GARRE1: variants seen among roughly 807,000 people sequenced by gnomAD.
GARRE1 encodes the protein granule associated Rac and RHOG effector protein 1.
GARRE1 carries 49 observed loss-of-function variants against 103.2 expected under a neutral mutation model. That is an observed-to-expected ratio of 0.47 (90% CI 0.38 to 0.60). GARRE1 has a LOEUF of 0.60. GARRE1 is among the 20% of genes least tolerant of loss of function. The probability of loss-of-function intolerance (pLI) is 0.00; values close to 1 mark genes in which losing one functional copy is unlikely to be tolerated. For missense variants in GARRE1, 1,199 were observed against 1,370.5 expected (o/e 0.87, Z 1.98); for synonymous variants, 505 against 532.8 (o/e 0.95, Z 0.72).
intron 1 of GARRE1, among the ~76,000 whole-genome samples, chr19:34,294,915 G>A (rs2073939228): frequency 6.6e-6 from 1 of 152,262 alleles, no homozygotes; most frequent in Admixed American, 6.5e-5. Context: ...GACCTCAGGT[G>A]ATTTGCCCAC....
intron 1 of GARRE1, among the ~76,000 whole-genome samples, chr19:34,296,989 G>A (rs554868072): frequency 2.0e-5 from 3 of 152,172 alleles, no homozygotes; most frequent in South Asian, 2.1e-4. Context: ...CTGTAGAAAA[G>A]GTAATTGAAA....
chr19:34,341,330 G>T (rs1457454045), intron 9 of GARRE1, 92 bp from the exon 10 acceptor site: 3 of 1,079,948 alleles, frequency 2.8e-6, no homozygotes, highest in East Asian at 2.6e-5. Context: ...GGTTTTTCTT[G>T]CTCTCAACGC....
At chr19:34,293,459 G>C (rs918596043) in intron 1 of GARRE1, among the ~76,000 whole-genome samples, 1 of 150,502 alleles carries the variant, frequency 6.6e-6, no homozygotes, top group African/African-American at 2.5e-5. Flanking sequence ...GCAGTGGTGT[G>C]ATCATGGTTC....
At chr19:34,258,655 C>T (rs1215838019) in intron 1 of GARRE1, among the ~76,000 whole-genome samples, 3 of 151,898 alleles carry the variant, frequency 2.0e-5, no homozygotes, top group South Asian at 2.1e-4. Context: ...CCGGACATGG[C>T]GATGGGCGCC....
intron 1 of GARRE1, among the ~76,000 whole-genome samples, chr19:34,269,211 A>G (rs1341922324): frequency 1.3e-5 from 2 of 152,232 alleles, no homozygotes; most frequent in Non-Finnish European, 2.9e-5. Context: ...AAATTGTTAC[A>G]GAGCAAATGT....
chr19:34,353,624 A>G lies in GARRE1; in HGVS notation c.*669A>G, dbSNP rs1411289125. On this transcript the variant is annotated 3_prime_UTR_variant, in exon 14 of 14. Transcript: ENST00000299505. ...GGTGGACAGTTCCTCGCCACCCAGCAGCACCCTGGGACTGCGGCCTTTCCC... is the reference window on the plus strand; with the variant it reads ...GGTGGACAGTTCCTCGCCACCCAGCGGCACCCTGGGACTGCGGCCTTTCCC... 2.0e-5 allele frequency: 3 copies of G among 152,414 alleles called. No homozygotes were observed. Among genetic ancestry groups the G allele is most frequent in the East Asian group, 3.9e-4 (2 of 5,190 alleles). 9.4% of individuals were successfully genotyped at this position (152,414 alleles called of 1,614,324 possible).
At chr19:34,328,327 T>C (rs1010643657) in intron 6 of GARRE1, among the ~76,000 whole-genome samples, 176 bp downstream of exon 6, 1 of 151,908 alleles carries the variant, frequency 6.6e-6, no homozygotes, top group Non-Finnish European at 1.5e-5. Context: ...GTCAGGAGTT[T>C]GAGACCAGCC....
chr19:34,345,450 T>A (rs1218432177), intron 10 of GARRE1, among the ~76,000 whole-genome samples: 1 of 152,248 alleles, frequency 6.6e-6, no homozygotes, highest in Admixed American at 6.5e-5. Flanking sequence ...TTTTCTCAGT[T>A]GATCATAGAT....
rs542876400 is a variant in GARRE1, at chr19:34,275,234, A to T, written c.-796+20620A>T. ...GATTCATCTTTATATTTTTTGTAAC[A>T]GCTTTATTGAAATATAATTCACATA... On this transcript the variant is annotated intron_variant, in intron 1 of 13. Coordinates refer to ENST00000299505, the MANE Select transcript of GARRE1 (RefSeq NM_014686.5). Among the ~76,000 whole-genome samples the T allele has an allele frequency of 1.3e-4, 19 of 151,430 alleles. No individual in the cohort carries two copies. The South Asian group carries it at 4.0e-3, about 32-fold the overall frequency.
In GARRE1 at chr19:34,339,961, G is replaced by A; in HGVS notation, c.1456G>A (p.Val486Met). 1 of 1,614,196 alleles carries A rather than the reference G, an allele frequency of 6.2e-7. No individual in the cohort carries two copies. The highest frequency in any genetic ancestry group is 8.5e-7 in the Non-Finnish European group (1 of 1,180,034). ...LGLVDVLYTA[V>M]LDLNRWRAGR... ...TCTAGTGGACGTGCTCTACACAGCTGTGCTGGACCTAAACCGCTGGAGGGC... is the reference window on the plus strand; with the variant it reads ...TCTAGTGGACGTGCTCTACACAGCTATGCTGGACCTAAACCGCTGGAGGGC... The change falls in exon 9 of 14, where the codon GTG (valine) becomes ATG (methionine). Residue 486 changes from valine (V) to methionine (M), a missense_variant. Val to Met is a conservative substitution (Grantham distance 21). Transcript: ENST00000299505.
At chr19:34,335,381 A>G (rs2074156216) in intron 8 of GARRE1, among the ~76,000 whole-genome samples, 1 of 152,240 alleles carries the variant, frequency 6.6e-6, no homozygotes, top group Non-Finnish European at 1.5e-5. Flanking sequence ...TGCTATTAAA[A>G]TGGTAATCTG....
chr19:34,302,771 G>T (rs2073987067), intron 2 of GARRE1, among the ~76,000 whole-genome samples: 1 of 139,162 alleles, frequency 7.2e-6, no homozygotes, highest in Non-Finnish European at 1.5e-5. Context: ...AAAAGACAGA[G>T]TCTCTCTCTG....
chr19:34,274,082 T>C (rs913215746), intron 1 of GARRE1, among the ~76,000 whole-genome samples: 1 of 151,590 alleles, frequency 6.6e-6, no homozygotes, highest in African/African-American at 2.4e-5. Context: ...GCAGTGAAGA[T>C]AGAAGGAAAA....
intron 1 of GARRE1, among the ~76,000 whole-genome samples, chr19:34,256,622 A>G (rs895649581): frequency 6.6e-6 from 1 of 152,100 alleles, no homozygotes; most frequent in Non-Finnish European, 1.5e-5. Context: ...AAAATATGAA[A>G]TATTTTGTAA....
At chr19:34,268,676 T>G (rs762785673) in intron 1 of GARRE1, among the ~76,000 whole-genome samples, 2 of 152,028 alleles carry the variant, frequency 1.3e-5, no homozygotes, top group Non-Finnish European at 2.9e-5. Context: ...TGTATGAAAT[T>G]GAGGCCAGGT....
intron 1 of GARRE1, among the ~76,000 whole-genome samples, chr19:34,290,288 G>A (rs993327207): frequency 2.0e-5 from 3 of 151,976 alleles, no homozygotes; most frequent in Non-Finnish European, 2.9e-5. Flanking sequence ...CCCAGGAGGC[G>A]GAGCTTGCAG....
rs569803914 is a variant in GARRE1 at position 34,321,293 on chromosome 19, G to T, written c.705+1177G>T. On this transcript the variant is annotated intron_variant, in intron 3 of 13. Coordinates refer to ENST00000299505, the MANE Select transcript of GARRE1 (RefSeq NM_014686.5). ...GGGTTTCATCGTGTTAGCCAGGGTG[G>T]TCTCAATCTCTTGACCTCGTGATCT... Among the ~76,000 whole-genome samples, 6 of 141,058 alleles carry T rather than the reference G, an allele frequency of 4.3e-5. No individual in the cohort carries two copies. In the East Asian group the frequency reaches 1.3e-3, roughly 30 times the overall value. The allele number at this position is 141,058 out of a possible 152,430, so 92.5% of individuals were successfully genotyped here.
chr19:34,329,545 C>T (rs1295422732), intron 6 of GARRE1, among the ~76,000 whole-genome samples: 1 of 152,068 alleles, frequency 6.6e-6, no homozygotes. Context: ...ATTTAAAATG[C>T]TCTTCTTGAG....
intron 10 of GARRE1, among the ~76,000 whole-genome samples, chr19:34,344,667 T>G (rs1043875344): frequency 1.4e-4 from 22 of 152,018 alleles, no homozygotes; most frequent in African/African-American, 5.3e-4. Flanking sequence ...ATGCTGGGGT[T>G]AACACTCCTT....
Sources: allele counts gnomAD v4.1 joint callset (sites outside exome capture counted in the v4.1 genomes callset), GRCh38; gene constraint gnomAD v4.1.1; transcripts MANE v1.5; gene names NCBI Gene and HGNC (gene_info 2026-07-23, HGNC 2026-07-21).